The following REDIC1 variants were observed in gnomAD, a reference collection of about 807,000 sequenced individuals.
REDIC1 encodes the protein HEI10 Interacting Protein 1.
the REDIC1 span, chr12:39,907,549 T>G: frequency 6.6e-6 from 1 of 152,142 alleles, no homozygotes; most frequent in African/African-American, 2.4e-5. Context: ...AATCTGCCCA[T>G]AATGTAGAGT....
At chr12:39,818,482 A>G in the REDIC1 span, among the ~76,000 whole-genome samples, 1 of 152,218 alleles carries the variant, frequency 6.6e-6, no homozygotes, top group African/African-American at 2.4e-5. Context: ...TGATGCTCTG[A>G]GTAATTACCT....
chr12:39,683,377 C>T, the REDIC1 span: 1 of 1,441,482 alleles, frequency 6.9e-7, no homozygotes, highest in Non-Finnish European at 9.7e-7. Context: ...ATAGACTATG[C>T]TAAATTTTTA....
chr12:39,908,028 C>T, the REDIC1 span: 3 of 152,046 alleles, frequency 2.0e-5, no homozygotes, highest in African/African-American at 7.3e-5. Flanking sequence ...ACCACAATTC[C>T]CTGGCCAGAA....
the REDIC1 span, among the ~76,000 whole-genome samples, chr12:39,839,738 T>C: frequency 2.6e-5 from 4 of 152,046 alleles, no homozygotes; most frequent in Non-Finnish European, 5.9e-5. Context: ...TACATGACCA[T>C]TGCTATAACC....
chr12:39,696,572 A>T, the REDIC1 span, among the ~76,000 whole-genome samples: 2 of 141,054 alleles, frequency 1.4e-5, no homozygotes, highest in Non-Finnish European at 1.5e-5. Flanking sequence ...AAAAAAAAAA[A>T]AAAAAAAATA....
the REDIC1 span, among the ~76,000 whole-genome samples, chr12:39,839,670 T>C: frequency 6.6e-6 from 1 of 152,072 alleles, no homozygotes; most frequent in African/African-American, 2.4e-5. Flanking sequence ...CTTTTCTTTC[T>C]CCTTTGCTTC....
the REDIC1 span, among the ~76,000 whole-genome samples, chr12:39,783,172 C>T: frequency 6.6e-6 from 1 of 152,144 alleles, no homozygotes; most frequent in African/African-American, 2.4e-5. Flanking sequence ...TTTCCAGCTT[C>T]ATCCATGTCC....
the REDIC1 span, among the ~76,000 whole-genome samples, chr12:39,766,692 G>A: frequency 6.6e-6 from 1 of 152,036 alleles, no homozygotes. Context: ...AACTAAGTTC[G>A]TGTGATACTG....
the REDIC1 span, among the ~76,000 whole-genome samples, chr12:39,805,489 G>T: frequency 7.1e-6 from 1 of 141,756 alleles, no homozygotes; most frequent in African/African-American, 2.7e-5. Flanking sequence ...ATTATACTCT[G>T]TCTCTTAGGT....
chr12:39,772,617 A>G, the REDIC1 span, among the ~76,000 whole-genome samples: 1 of 152,206 alleles, frequency 6.6e-6, no homozygotes. Context: ...AAAAAAGAGA[A>G]GAAGAAAGAA....
the REDIC1 span, among the ~76,000 whole-genome samples, chr12:39,672,415 G>T: frequency 6.6e-6 from 1 of 152,082 alleles, no homozygotes; most frequent in South Asian, 2.1e-4. Context: ...TCTGCTGCTA[G>T]GGGGAGGCAG....
the REDIC1 span, among the ~76,000 whole-genome samples, chr12:39,713,561 T>C: frequency 7.8e-4 from 117 of 149,520 alleles, no homozygotes; most frequent in Non-Finnish European, 1.4e-3. Context: ...CGTGCATACA[T>C]GTGTACGCGT....
the REDIC1 span, among the ~76,000 whole-genome samples, chr12:39,905,589 G>C: frequency 0.43 from 65,236 of 151,922 alleles, 14,397 homozygotes; most frequent in East Asian, 0.76. Context: ...AAATGTGTAT[G>C]AGTGAATTTT....
chr12:39,655,660 T>G, the REDIC1 span, among the ~76,000 whole-genome samples: 1 of 152,204 alleles, frequency 6.6e-6, no homozygotes, highest in African/African-American at 2.4e-5. Flanking sequence ...CCTGATGGTT[T>G]GCCACTGAAA....
the REDIC1 span, among the ~76,000 whole-genome samples, chr12:39,768,455 A>G: frequency 3.3e-4 from 50 of 152,204 alleles, no homozygotes; most frequent in African/African-American, 1.1e-3. Context: ...TCAGCTTTCA[A>G]TATGCCTTCC....
At chr12:39,693,113 C>A in the REDIC1 span, among the ~76,000 whole-genome samples, 1 of 152,012 alleles carries the variant, frequency 6.6e-6, no homozygotes, top group African/African-American at 2.4e-5. Context: ...TGGAATGTGT[C>A]TTTAATATGT....
chr12:39,897,859 T>C, the REDIC1 span, among the ~76,000 whole-genome samples: 1 of 152,168 alleles, frequency 6.6e-6, no homozygotes, highest in Non-Finnish European at 1.5e-5. Context: ...TATATGTGCA[T>C]ATTTAAACTG....
chr12:39,748,289 A>G, the REDIC1 span, among the ~76,000 whole-genome samples: 3 of 152,188 alleles, frequency 2.0e-5, no homozygotes, highest in African/African-American at 7.2e-5. Context: ...CTCTGATAAA[A>G]CACACTTTAA....
the REDIC1 span, among the ~76,000 whole-genome samples, chr12:39,876,742 C>A: frequency 1.3e-5 from 2 of 151,992 alleles, no homozygotes; most frequent in Non-Finnish European, 2.9e-5. Flanking sequence ...ATAATACAGA[C>A]AATTTTTTTC....
Sources: allele counts gnomAD v4.1 joint callset (sites outside exome capture counted in the v4.1 genomes callset), GRCh38; gene constraint gnomAD v4.1.1; transcripts MANE v1.5; gene names NCBI Gene and HGNC (gene_info 2026-07-23, HGNC 2026-07-21).